The following XYLT1 variants were observed in gnomAD, a reference collection of about 807,000 sequenced individuals.
XYLT1 encodes the protein beta-D-xylosyltransferase 1.
A neutral mutation model predicts 91.3 loss-of-function variants in XYLT1; 36 were observed. That is an observed-to-expected ratio of 0.39 (90% CI 0.30 to 0.52). XYLT1 has a LOEUF of 0.52. XYLT1 is among the 20% of genes least tolerant of loss of function. XYLT1 has a pLI of 0.68. For missense variants in XYLT1, 1,242 were observed against 1,284.5 expected (o/e 0.97, Z 0.51); for synonymous variants, 588 against 532.0 (o/e 1.11, Z -1.45).
At chr16:17,394,456 T>C (rs1401579862) in intron 1 of XYLT1, among the ~76,000 whole-genome samples, 1 of 152,232 alleles carries the variant, frequency 6.6e-6, no homozygotes, top group Non-Finnish European at 1.5e-5. Flanking sequence ...GAAGCTGATA[T>C]GGCCCAGTGA....
intron 9 of XYLT1, among the ~76,000 whole-genome samples, chr16:17,133,976 A>C (rs1028056874): frequency 9.9e-5 from 15 of 152,224 alleles, no homozygotes; most frequent in Non-Finnish European, 2.1e-4. Context: ...CTGAAATGAT[A>C]GGATGTCTGG....
intron 3 of XYLT1, among the ~76,000 whole-genome samples, chr16:17,206,065 A>C (rs181677874): frequency 1.5e-3 from 229 of 152,110 alleles, no homozygotes; most frequent in Middle Eastern, 6.8e-3. Flanking sequence ...GTAGAATGCA[A>C]CCTTGCACTG....
chr16:17,295,423 T>C (rs1239243796), intron 2 of XYLT1, among the ~76,000 whole-genome samples: 1 of 152,064 alleles, frequency 6.6e-6, no homozygotes, highest in Non-Finnish European at 1.5e-5. Flanking sequence ...TGGTACGATC[T>C]CGGCTCACTG....
chr16:17,332,639 C>A (rs1212177783), intron 2 of XYLT1, among the ~76,000 whole-genome samples: 1 of 151,338 alleles, frequency 6.6e-6, no homozygotes, highest in Admixed American at 6.6e-5. Flanking sequence ...GGGACTATTA[C>A]AATTTCCACA....
At chr16:17,148,198 G>A (rs2031187351) in intron 6 of XYLT1, among the ~76,000 whole-genome samples, 1 of 152,168 alleles carries the variant, frequency 6.6e-6, no homozygotes, top group African/African-American at 2.4e-5. Context: ...GCTTCTCACA[G>A]GGCCTTGCAA....
chr16:17,287,176 C>G (rs1252767012), intron 2 of XYLT1, among the ~76,000 whole-genome samples: 1 of 152,064 alleles, frequency 6.6e-6, no homozygotes, highest in Non-Finnish European at 1.5e-5. Context: ...AACTGAGATT[C>G]AAACCCAGGC....
At chr16:17,433,636 G>A (rs550347104) in intron 1 of XYLT1, among the ~76,000 whole-genome samples, 7 of 152,332 alleles carry the variant, frequency 4.6e-5, no homozygotes, top group East Asian at 3.9e-4. Flanking sequence ...GGTCATCTGG[G>A]TGCTGGGTAG....
intron 3 of XYLT1, among the ~76,000 whole-genome samples, chr16:17,254,739 T>C (rs2033602262): frequency 6.6e-6 from 1 of 152,174 alleles, no homozygotes. Flanking sequence ...GGAAGTAACA[T>C]ATAAAATATG....
At chr16:17,436,238 G>A (rs757393615) in intron 1 of XYLT1, among the ~76,000 whole-genome samples, 10 of 152,106 alleles carry the variant, frequency 6.6e-5, no homozygotes, top group South Asian at 2.1e-4. Flanking sequence ...ACTCAGTCTC[G>A]GGTATGTCTT....
At chr16:17,278,412 C>T (rs1043145153) in intron 2 of XYLT1, among the ~76,000 whole-genome samples, 20 of 152,144 alleles carry the variant, frequency 1.3e-4, no homozygotes, top group Non-Finnish European at 2.4e-4. Context: ...TCTTCATTGC[C>T]GCAGGTGGGT....
rs530869617 is a variant in XYLT1, at chr16:17,178,526, T to G, written c.1290-19617A>C. ...TGGGTGAGTGGGTTGGCACTAAATTTGAAAGGGCTGAGATGTACGTGTTCT... is the reference window on the plus strand; with the variant it reads ...TGGGTGAGTGGGTTGGCACTAAATTGGAAAGGGCTGAGATGTACGTGTTCT... On this transcript the variant is annotated intron_variant, in intron 5 of 11. Transcript: ENST00000261381. Among the ~76,000 whole-genome samples, 5 of 152,300 alleles carry G rather than the reference T, an allele frequency of 3.3e-5. No homozygotes were observed. The South Asian group carries it at 1.0e-3, about 32-fold the overall frequency.
chr16:17,405,116 G>A (rs899768220), intron 1 of XYLT1, among the ~76,000 whole-genome samples: 4 of 152,172 alleles, frequency 2.6e-5, no homozygotes, highest in Admixed American at 6.5e-5. Context: ...GATCAATGTC[G>A]CGGCTGTGCA....
intron 5 of XYLT1, among the ~76,000 whole-genome samples, chr16:17,182,684 A>C (rs2032097874): frequency 9.5e-6 from 1 of 105,452 alleles, no homozygotes; most frequent in African/African-American, 3.8e-5. Context: ...ACAATTAGGC[A>C]TATGTGGGGG....
At chr16:17,208,753 A>G (rs1289674591) in intron 3 of XYLT1, among the ~76,000 whole-genome samples, 3 of 152,030 alleles carry the variant, frequency 2.0e-5, no homozygotes, top group African/African-American at 7.2e-5. Flanking sequence ...TCGAGATGGA[A>G]TCTCACTGTC....
chr16:17,170,355 G>A (rs1467130320), intron 5 of XYLT1, among the ~76,000 whole-genome samples: 4 of 152,100 alleles, frequency 2.6e-5, no homozygotes, highest in African/African-American at 9.7e-5. Flanking sequence ...ACTTTATCTG[G>A]GTCATCTATG....
rs1164938792 is a variant in XYLT1, at chr16:17,138,612, G to A, written c.1588-81C>T. The stretch of plus-strand genomic sequence containing the variant: ...CTGGGGTGGGAAATGGTGAACCCTT[G>A]CTCTGAGTTCATGTAAGAACTGGTT... On this transcript the variant is annotated intron_variant, in intron 7 of 11. Coordinates refer to ENST00000261381, the MANE Select transcript of XYLT1 (RefSeq NM_022166.4). 4.7e-5 allele frequency: 72 copies of A among 1,520,204 alleles called. No individual in the cohort carries two copies. In the Admixed American group the frequency reaches 1.2e-3, roughly 25 times the overall value. The allele number at this position is 1,520,204 out of a possible 1,614,324, so 94.2% of individuals were successfully genotyped here.
At chr16:17,261,998 A>ATGTTCC (rs2033729558) in intron 2 of XYLT1, among the ~76,000 whole-genome samples, 2 of 152,150 alleles carry the variant, frequency 1.3e-5, no homozygotes, top group Non-Finnish European at 2.9e-5. Context: ...AAACCTGCTG[A>ATGTTCC]TGTTCCTCTT....
chr16:17,424,456 T>C (rs2036288262), intron 1 of XYLT1, among the ~76,000 whole-genome samples: 1 of 152,226 alleles, frequency 6.6e-6, no homozygotes, highest in South Asian at 2.1e-4. Flanking sequence ...CATGATTTTA[T>C]GGACATTATA....
intron 1 of XYLT1, among the ~76,000 whole-genome samples, chr16:17,425,161 T>G (rs1455028201): frequency 6.6e-6 from 1 of 152,172 alleles, no homozygotes; most frequent in Non-Finnish European, 1.5e-5. Context: ...TGATTTCCCT[T>G]GAAGCACCTC....
Sources: gnomAD v4.1 joint callset for allele counts (sites outside exome capture counted in the v4.1 genomes callset) on GRCh38, gnomAD v4.1.1 for gene constraint, MANE v1.5 for transcripts, NCBI Gene and HGNC (gene_info 2026-07-23, HGNC 2026-07-21) for gene names.